POC1A: variants seen among roughly 807,000 people sequenced by gnomAD.
The protein encoded by POC1A is POC1 centriolar protein homolog A.
POC1A carries 34 observed loss-of-function variants against 47.8 expected under a neutral mutation model. That is an observed-to-expected ratio of 0.71 (90% confidence interval 0.54 to 0.95). The LOEUF is 0.95. Ranked by LOEUF, POC1A falls within the 40% of genes least tolerant of loss-of-function variation. The pLI is 0.00. For missense variants in POC1A, 466 were observed against 528.3 expected, an observed-to-expected ratio of 0.88 and a Z score of 1.16; for synonymous variants, 177 against 207.6, an observed-to-expected ratio of 0.85 and a Z score of 1.27.
chr3:52,120,091 A>T (rs1176505321), intron 9 of POC1A, among the ~76,000 whole-genome samples: 1 of 152,242 alleles, frequency 6.6e-6, no homozygotes, highest in African/African-American at 2.4e-5. Flanking sequence ...CTATCTCAGA[A>T]GAAAACCGAA....
At position 52,149,835 on chromosome 3, in the gene POC1A, G is replaced by C. The variant is rs763035151; in HGVS notation, c.256C>G (p.Arg86Gly). Residue 86 changes from arginine (R) to glycine (G), a missense_variant, in exon 3 of 11, where the codon CGC (arginine) becomes GGC (glycine). By Grantham distance (125) the Arg-to-Gly change is moderately radical (BLOSUM62 -2). Transcript: ENST00000296484. Reference protein sequence around the residue: ...LASGSRDKTVRIWVPNVKGES... With the variant: ...LASGSRDKTVGIWVPNVKGES... ...ACTCACACATTGGGTACCCAGATGCGGACAGTCTTGTCTCGGGAGCCGGAA... is the reference window on the plus strand; with the variant it reads ...ACTCACACATTGGGTACCCAGATGCCGACAGTCTTGTCTCGGGAGCCGGAA... 3 of 1,613,676 alleles carry C rather than the reference G, an allele frequency of 1.9e-6. No homozygotes were observed. The highest frequency in any genetic ancestry group is 2.5e-6 in the Non-Finnish European group (3 of 1,179,906).
chr3:52,123,722 C>T (rs1559835123), intron 8 of POC1A, among the ~76,000 whole-genome samples: 1 of 152,174 alleles, frequency 6.6e-6, no homozygotes, highest in Non-Finnish European at 1.5e-5. Context: ...ATAGACAATG[C>T]CAATGTCACT....
intron 10 of POC1A, among the ~76,000 whole-genome samples, chr3:52,088,112 T>G (rs963844473): frequency 6.6e-6 from 1 of 152,130 alleles, no homozygotes; most frequent in Non-Finnish European, 1.5e-5. Context: ...GACATGATCA[T>G]CCTAAGCCAG....
Position 52,080,947 on chromosome 3 carries a change from A to G in POC1A, c.1126-4962T>C, listed in dbSNP as rs552057579. On this transcript the variant is annotated intron_variant, in intron 10 of 10. Transcript: ENST00000296484. Reference sequence around the variant, plus strand: ...GTCCGCCTCCCAAGTCAAGGCCCTCATGGCCAGTGTCAGGAAGCCTCATGG... The same window carrying G: ...GTCCGCCTCCCAAGTCAAGGCCCTCGTGGCCAGTGTCAGGAAGCCTCATGG... Among the ~76,000 whole-genome samples, 22 of 152,342 alleles carry G rather than the reference A, an allele frequency of 1.4e-4. No homozygotes were observed. In the East Asian group the frequency reaches 3.9e-3, roughly 27 times the overall value.
chr3:52,138,938 A>G (rs981874611), intron 6 of POC1A, among the ~76,000 whole-genome samples: 1 of 152,042 alleles, frequency 6.6e-6, no homozygotes, highest in Admixed American at 6.6e-5. Flanking sequence ...GGTTCAAGAG[A>G]TTCTCCTGCC....
At chr3:52,082,477 C>A (rs1003360262) in intron 10 of POC1A, among the ~76,000 whole-genome samples, 14 of 152,128 alleles carry the variant, frequency 9.2e-5, no homozygotes, top group African/African-American at 2.9e-4. Flanking sequence ...GGTGGTAGGG[C>A]TTCCAGCCGT....
At chr3:52,092,411 G>C (rs1043249406) in intron 10 of POC1A, among the ~76,000 whole-genome samples, 4 of 152,240 alleles carry the variant, frequency 2.6e-5, no homozygotes, top group Non-Finnish European at 5.9e-5. Flanking sequence ...CAGTGGTTGA[G>C]ATCAGGATCA....
chr3:52,141,826 C>T (rs2107174563), intron 6 of POC1A, among the ~76,000 whole-genome samples: 1 of 151,970 alleles, frequency 6.6e-6, no homozygotes, highest in African/African-American at 2.4e-5. Context: ...CCAACCCCAT[C>T]TCTGAAAGAG....
chr3:52,116,235 T>G (rs543840870), intron 9 of POC1A, among the ~76,000 whole-genome samples: 52 of 152,246 alleles, frequency 3.4e-4, no homozygotes, highest in Admixed American at 4.6e-4. Context: ...AATCCCTAAG[T>G]GAAGCCCACC....
intron 9 of POC1A, among the ~76,000 whole-genome samples, chr3:52,096,917 G>C (rs1281143467): frequency 6.6e-6 from 1 of 152,250 alleles, no homozygotes; most frequent in Non-Finnish European, 1.5e-5. Flanking sequence ...GCCTTAAGTG[G>C]GGAGTGGAAT....
rs1478695395 is a variant in POC1A, at chr3:52,090,881, G to C, written c.1125+5688C>G. Among the ~76,000 whole-genome samples the C allele has an allele frequency of 6.6e-6, 1 of 152,128 alleles. No individual in the cohort carries two copies. Among genetic ancestry groups the C allele is most frequent in the East Asian group, 1.9e-4 (1 of 5,176 alleles). On this transcript the variant is annotated intron_variant, in intron 10 of 10. Transcript: ENST00000296484. This position sits in a 1 kb window ranked among gnomAD's most constrained non-coding sequence, Gnocchi z 4.2. ...GGCCTGGGGGGCAGGCAGATGAAAA[G>C]GCCCCAGGGGAAGTCCTGGCCCCAT...
At chr3:52,116,622 A>C (rs1703574078) in intron 9 of POC1A, among the ~76,000 whole-genome samples, 1 of 152,236 alleles carries the variant, frequency 6.6e-6, no homozygotes, top group Non-Finnish European at 1.5e-5. Context: ...GATGACCTGC[A>C]GAGAGGGGTC....
intron 6 of POC1A, among the ~76,000 whole-genome samples, chr3:52,141,757 G>C (rs1354111523): frequency 2.0e-5 from 3 of 152,122 alleles, no homozygotes; most frequent in Non-Finnish European, 4.4e-5. Context: ...GGGAGGCCGA[G>C]GTGGGAGGAC....
chr3:52,148,015 T>C (rs558117213), intron 4 of POC1A, among the ~76,000 whole-genome samples: 5 of 151,252 alleles, frequency 3.3e-5, no homozygotes, highest in African/African-American at 7.3e-5. Flanking sequence ...AGCAGCCTCA[T>C]GCACATAAAG....
intron 7 of POC1A, among the ~76,000 whole-genome samples, chr3:52,129,810 T>A (rs1457571465): frequency 6.6e-6 from 1 of 152,182 alleles, no homozygotes; most frequent in Non-Finnish European, 1.5e-5. Flanking sequence ...GCCCTGGAGC[T>A]TGGCTGGATC....
intron 8 of POC1A, among the ~76,000 whole-genome samples, chr3:52,123,963 C>T (rs565636369): frequency 2.0e-5 from 3 of 152,352 alleles, no homozygotes; most frequent in East Asian, 3.9e-4. Context: ...TCTGCTAGAG[C>T]AGGACTGGTG....
intron 8 of POC1A, among the ~76,000 whole-genome samples, chr3:52,123,983 G>C (rs1703898971): frequency 6.6e-6 from 1 of 152,208 alleles, no homozygotes; most frequent in Admixed American, 6.5e-5. Context: ...GCTGGTGTGG[G>C]AAGATGCCTG....
Position 52,125,195 on chromosome 3 carries a change from C to A in POC1A, c.814-14G>T, listed in dbSNP as rs1559836396. The stretch of plus-strand genomic sequence containing the variant: ...GGTGGCTGGTCCCTGGCAGAACAAA[C>A]AAAAAATAACACACATCAAAGGTCA... On this transcript the variant is annotated splice_polypyrimidine_tract_variant and intron_variant, in intron 7 of 10. Coordinates refer to ENST00000296484, the MANE Select transcript of POC1A (RefSeq NM_015426.5). 1.3e-6 allele frequency: 2 copies of A among 1,599,352 alleles called. No homozygotes were observed. Among genetic ancestry groups the A allele is most frequent in the Admixed American group, 1.7e-5 (1 of 58,776 alleles).
intron 9 of POC1A, among the ~76,000 whole-genome samples, chr3:52,121,946 G>C (rs555011451): frequency 6.6e-6 from 1 of 152,154 alleles, no homozygotes; most frequent in South Asian, 2.1e-4. Flanking sequence ...GAAAAAAAAA[G>C]GGAGGGAAGT....
Sources: gnomAD v4.1 joint callset for allele counts (sites outside exome capture counted in the v4.1 genomes callset) on GRCh38, gnomAD v4.1.1 for gene constraint, Gnocchi (gnomAD v3.1) non-coding constraint, MANE v1.5 for transcripts, NCBI Gene and HGNC (gene_info 2026-07-23, HGNC 2026-07-21) for gene names.